The following CCDC47 variants were observed in gnomAD, a reference collection of about 807,000 sequenced individuals.
The protein encoded by CCDC47 is coiled-coil domain containing 47, also known as PAT complex subunit CCDC47.
In CCDC47, 41 loss-of-function variants were observed where a neutral mutation model predicts 60.5. The ratio of observed to expected loss-of-function variants is 0.68; its 90% CI spans 0.53 to 0.88. CCDC47 has a LOEUF of 0.88. Among genes scored for constraint, CCDC47 ranks in the 40% least tolerant of loss-of-function variants. The pLI, the probability that CCDC47 is intolerant of heterozygous loss-of-function variation, is 0.00. For missense variants in CCDC47, 513 were observed against 580.9 expected (o/e 0.88, Z 1.20); for synonymous variants, 195 against 190.7 (o/e 1.02, Z -0.18).
intron 1 of CCDC47, among the ~76,000 whole-genome samples, chr17:63,767,310 C>T (rs1356752241): frequency 1.3e-5 from 2 of 152,146 alleles, no homozygotes; most frequent in East Asian, 3.8e-4. Context: ...AATGTATCAT[C>T]ATTTTATAGC....
At chr17:63,758,610 G>T (rs935334201) in intron 6 of CCDC47, among the ~76,000 whole-genome samples, 13 of 152,062 alleles carry the variant, frequency 8.5e-5, no homozygotes, top group African/African-American at 3.1e-4. Flanking sequence ...TCTGAGAATT[G>T]GCTGTTTGTA....
At chr17:63,760,848 AAAAAAG>A in intron 6 of CCDC47, 60 bp downstream of exon 6, 5 of 1,219,150 alleles carry the variant, frequency 4.1e-6, no homozygotes, top group South Asian at 4.1e-5. Flanking sequence ...AAAAAAAAAA[AAAAAAG>A]AAAGAAAGAA....
chr17:63,759,558 TA>T (rs2039239524), intron 6 of CCDC47, among the ~76,000 whole-genome samples: 1 of 44,360 alleles, frequency 2.3e-5, no homozygotes, highest in Non-Finnish European at 4.0e-5. Flanking sequence ...TATATATATA[TA>T]TATATATATA....
chr17:63,762,195 TA>T (rs2039266357), intron 4 of CCDC47: 2 of 985,246 alleles, frequency 2.0e-6, no homozygotes, highest in African/African-American at 3.5e-5. Flanking sequence ...ATTCATTAAG[TA>T]TACAAAAGAA....
Position 63,773,430 on chromosome 17 carries a change from C to T in CCDC47, c.-38G>A, listed in dbSNP as rs960263758. The T allele has an allele frequency of 6.6e-6, 1 of 152,416 alleles. No individual in the cohort carries two copies. The highest frequency in any genetic ancestry group is 1.5e-5 in the Non-Finnish European group (1 of 68,192). 9.4% of individuals were successfully genotyped at this position (152,416 alleles called of 1,614,324 possible). On this transcript the variant is annotated 5_prime_UTR_variant, in exon 1 of 13. Transcript: ENST00000225726. ...TCCTTACCTGTGGCCGAAGCCGAAA[C>T]CCGGCCCAGCGCCCTGCGTCCGACA...
At position 63,746,050 on chromosome 17, in the gene CCDC47, C is replaced by T. The variant is rs1433470208; in HGVS notation, c.*831G>A. The T allele has an allele frequency of 6.6e-6, 1 of 152,190 alleles. No individual in the cohort carries two copies. Among genetic ancestry groups the T allele is most frequent in the Non-Finnish European group, 1.5e-5 (1 of 68,050 alleles). 9.4% of individuals were successfully genotyped at this position (152,190 alleles called of 1,614,324 possible). ...ATGAACATCCACCAGGCTGCAGCAA[C>T]CAAGAAGGAAAAAACATTTGTGATT... On this transcript the variant is annotated 3_prime_UTR_variant, in exon 13 of 13. Transcript: ENST00000225726.
chr17:63,758,926 G>T (rs2039228230), intron 6 of CCDC47, among the ~76,000 whole-genome samples: 1 of 152,086 alleles, frequency 6.6e-6, no homozygotes, highest in Admixed American at 6.6e-5. Context: ...CCACATATTT[G>T]TTGAAGCAAT....
At chr17:63,754,587 T>C (rs1188186179) in intron 8 of CCDC47, 69 bp from the exon 9 acceptor site, 19 of 1,037,402 alleles carry the variant, frequency 1.8e-5, no homozygotes, top group Non-Finnish European at 2.5e-5. Context: ...CCTAAAGATA[T>C]TCACTCTTTG....
intron 12 of CCDC47, 185 bp from the exon 13 acceptor site, chr17:63,747,146 A>G (rs2039126504): frequency 1.0e-6 from 1 of 981,280 alleles, no homozygotes; most frequent in Admixed American, 6.2e-5. Flanking sequence ...TATCTACATT[A>G]GTGAATAAAA....
chr17:63,763,452 G>A (rs12942740), intron 4 of CCDC47, among the ~76,000 whole-genome samples: 12,192 of 152,180 alleles, frequency 0.08, 630 homozygotes, highest in Non-Finnish European at 0.11. Context: ...TTGAACCTGG[G>A]AGGTCGAGGC....
intron 12 of CCDC47, chr17:63,747,296 AT>A (rs2039127734): frequency 1.0e-6 from 1 of 984,802 alleles, no homozygotes; most frequent in Non-Finnish European, 1.2e-6. Context: ...TCACCATACC[AT>A]TCATGATGGC....
rs1174839027 is a variant in CCDC47 at position 63,746,822 on chromosome 17, T to A, written c.*59A>T. 4.6e-5 allele frequency: 59 copies of A among 1,287,010 alleles called. 1 individual carries two copies. In the East Asian group the frequency reaches 1.3e-3, roughly 29 times the overall value. 79.7% of individuals were successfully genotyped at this position (1,287,010 alleles called of 1,614,324 possible). A position where few individuals can be genotyped will look rare whatever the true frequency, so the allele number is the denominator to read the frequency against. ...TTGAGAAATGGACTGGCGTTTTTCA[T>A]GTTTCCTGTGAATTCAGAGCTTACA... On this transcript the variant is annotated 3_prime_UTR_variant, in exon 13 of 13. Coordinates refer to ENST00000225726, the MANE Select transcript of CCDC47 (RefSeq NM_020198.3).
rs892970246 is a variant in CCDC47 at position 63,745,975 on chromosome 17, G to A, written c.*906C>T. Reference sequence around the variant, plus strand: ...CTCAACTGTGGAAAAGATAAAAGCAGAGGGAGAAGCAACGGCACACAGCCA... The same window carrying A: ...CTCAACTGTGGAAAAGATAAAAGCAAAGGGAGAAGCAACGGCACACAGCCA... On this transcript the variant is annotated 3_prime_UTR_variant, in exon 13 of 13. Transcript: ENST00000225726. The A allele has an allele frequency of 2.0e-5, 3 of 152,220 alleles. No individual in the cohort carries two copies. Among genetic ancestry groups the A allele is most frequent in the African/African-American group, 7.2e-5 (3 of 41,464 alleles). 9.4% of individuals were successfully genotyped at this position (152,220 alleles called of 1,614,324 possible).
At chr17:63,754,824 C>T (rs748590064) in intron 8 of CCDC47, among the ~76,000 whole-genome samples, 4 of 149,206 alleles carry the variant, frequency 2.7e-5, no homozygotes, top group Non-Finnish European at 3.0e-5. Context: ...TGGAGGTTGC[C>T]GTGAGCAGAG....
At chr17:63,754,325 A>C in intron 9 of CCDC47, 108 bp downstream of exon 9, 3 of 703,662 alleles carry the variant, frequency 4.3e-6, no homozygotes, top group Middle Eastern at 5.2e-4. Context: ...CCTGTCACCA[A>C]CTTCCTTCAC....
Position 63,752,811 on chromosome 17 carries a change from G to T in CCDC47, c.1035-12C>A, listed in dbSNP as rs1347711141. On this transcript the variant is annotated splice_polypyrimidine_tract_variant and intron_variant, in intron 9 of 12. Coordinates refer to ENST00000225726, the MANE Select transcript of CCDC47 (RefSeq NM_020198.3). ...AAGGCTGACCTTCCCTGTCATAAAA[G>T]AAAAGGCAATTAAGAAGGAATACAA... is the stretch of plus-strand genomic sequence containing the variant. 1.2e-6 allele frequency: 2 copies of T among 1,609,222 alleles called. No individual in the cohort carries two copies. Among genetic ancestry groups the T allele is most frequent in the African/African-American group, 1.3e-5 (1 of 74,598 alleles).
At chr17:63,754,177 C>G (rs1034168177) in intron 9 of CCDC47, among the ~76,000 whole-genome samples, 1 of 152,156 alleles carries the variant, frequency 6.6e-6, no homozygotes, top group African/African-American at 2.4e-5. Flanking sequence ...CTGTAAGATT[C>G]CCAACCATCT....
intron 1 of CCDC47, among the ~76,000 whole-genome samples, chr17:63,772,118 C>T (rs562800946): frequency 6.6e-6 from 1 of 152,098 alleles, no homozygotes; most frequent in African/African-American, 2.4e-5. Context: ...AATGTCAGCT[C>T]TACCATTTAC....
intron 12 of CCDC47, among the ~76,000 whole-genome samples, chr17:63,749,269 A>G (rs971545379): frequency 1.3e-5 from 2 of 151,644 alleles, no homozygotes; most frequent in Non-Finnish European, 2.9e-5. Context: ...TTAGCCGGGC[A>G]TGGAGGCAGG....
Sources: gnomAD v4.1 joint callset for allele counts (sites outside exome capture counted in the v4.1 genomes callset) on GRCh38, gnomAD v4.1.1 for gene constraint, MANE v1.5 for transcripts, NCBI Gene and HGNC (gene_info 2026-07-23, HGNC 2026-07-21) for gene names.